The following GALNT16 variants were observed in gnomAD, a reference collection of about 807,000 sequenced individuals.
GALNT16 encodes polypeptide N-acetylgalactosaminyltransferase 16, also known as UDP-GalNAc:polypeptide N-acetylgalactosaminyltransferase-like protein 1.
Under a neutral mutation model 76.1 loss-of-function variants are expected in GALNT16, and 40 were observed. The observed-to-expected ratio is 0.53, with a 90% CI of 0.41 to 0.68. GALNT16 has a LOEUF of 0.68. Ranked by LOEUF, GALNT16 falls within the 30% of genes least tolerant of loss-of-function variation. The pLI is 0.00. For missense variants in GALNT16, 621 were observed against 731.9 expected (o/e 0.85, Z 1.75); for synonymous variants, 276 against 285.2 (o/e 0.97, Z 0.32).
rs1363819280 is a variant in GALNT16, at chr14:69,261,806, G to T, written c.177+1339G>T. On this transcript the variant is annotated intron_variant, in intron 1 of 14. Coordinates refer to ENST00000448469, the MANE Select transcript of GALNT16 (RefSeq NM_001168368.2). This position sits in a 1 kb window ranked among gnomAD's most constrained non-coding sequence, Gnocchi z 6.4. ...GCTTTGCCTGAGGAGACCTGGGGCG[G>T]GGGGGTGAGGTTGTGGGTTTTGTCC... 6.6e-6 allele frequency among the ~76,000 whole-genome samples: 1 copy of T among 152,174 alleles called. No homozygotes were observed. The highest frequency in any genetic ancestry group is 1.5e-5 in the Non-Finnish European group (1 of 68,012).
intron 1 of GALNT16, among the ~76,000 whole-genome samples, chr14:69,300,761 A>G (rs1401854066): frequency 6.6e-6 from 1 of 152,110 alleles, no homozygotes; most frequent in African/African-American, 2.4e-5. Flanking sequence ...TCAAAGCAAG[A>G]GGACATCCAA....
chr14:69,347,007 A>C (rs773426561), intron 12 of GALNT16, 33 bp from the exon 13 acceptor site: 1 of 1,613,648 alleles, frequency 6.2e-7, no homozygotes, highest in Non-Finnish European at 8.5e-7. Flanking sequence ...TTGGGGGGGA[A>C]AGCACAAGCC....
intron 1 of GALNT16, among the ~76,000 whole-genome samples, chr14:69,295,137 G>C (rs1250219422): frequency 6.6e-6 from 1 of 152,146 alleles, no homozygotes; most frequent in Non-Finnish European, 1.5e-5. Flanking sequence ...ACATTGGCCG[G>C]GTGCCATGGC....
In GALNT16 at chr14:69,333,667, G is replaced by A; in HGVS notation, c.967+67G>A. On this transcript the variant is annotated intron_variant, in intron 9 of 14. Coordinates refer to ENST00000448469, the MANE Select transcript of GALNT16 (RefSeq NM_001168368.2). The surrounding 1 kb of genome is among the most constrained non-coding windows in gnomAD (Gnocchi z 4.2). ...AATAACCACAGTTAACCCTGACAGAGCACTTTCTATGCGTGAGGACCTGCT... is the reference window on the plus strand; with the variant it reads ...AATAACCACAGTTAACCCTGACAGAACACTTTCTATGCGTGAGGACCTGCT... 1.2e-6 allele frequency: 1 copy of A among 864,200 alleles called. No individual in the cohort carries two copies. The highest frequency in any genetic ancestry group is 1.9e-6 in the Non-Finnish European group (1 of 514,428). The allele number at this position is 864,200 out of a possible 1,614,324, so 53.5% of individuals were successfully genotyped here.
chr14:69,342,230 T>C (rs1385223184), intron 12 of GALNT16, among the ~76,000 whole-genome samples: 1 of 151,836 alleles, frequency 6.6e-6, no homozygotes, highest in Non-Finnish European at 1.5e-5. Context: ...GGAGGATTGC[T>C]TGAGTCCAGG....
intron 1 of GALNT16, among the ~76,000 whole-genome samples, chr14:69,262,096 C>T: frequency 1.3e-5 from 2 of 152,374 alleles, no homozygotes; most frequent in South Asian, 4.1e-4. Context: ...CACATTCATA[C>T]TCAGTGGCAG....
At chr14:69,291,997 A>G (rs1413882966) in intron 1 of GALNT16, among the ~76,000 whole-genome samples, 1 of 152,226 alleles carries the variant, frequency 6.6e-6, no homozygotes, top group African/African-American at 2.4e-5. Context: ...TCCTGGGCAC[A>G]GGCCTGATGG....
chr14:69,372,043 C>T, the GALNT16 span, among the ~76,000 whole-genome samples: 1 of 152,194 alleles, frequency 6.6e-6, no homozygotes, highest in Admixed American at 6.5e-5. Flanking sequence ...GAGGTGGAAA[C>T]AGCATAACTG....
intron 1 of GALNT16, among the ~76,000 whole-genome samples, chr14:69,318,719 T>A (rs1272004869): frequency 6.6e-6 from 1 of 152,210 alleles, no homozygotes; most frequent in Non-Finnish European, 1.5e-5. Context: ...GATAACGAAG[T>A]GCATACTCTC....
chr14:69,313,585 C>A (rs2045058243), intron 1 of GALNT16, among the ~76,000 whole-genome samples: 1 of 99,054 alleles, frequency 1.0e-5, no homozygotes, highest in South Asian at 3.3e-4. Flanking sequence ...GGAACTCTTT[C>A]TCAGTGAAAC....
intron 1 of GALNT16, among the ~76,000 whole-genome samples, chr14:69,267,091 C>A (rs146304313): frequency 2.0e-5 from 3 of 152,356 alleles, no homozygotes; most frequent in Admixed American, 2.0e-4. Context: ...GTTACCTGTC[C>A]TGTCTCCCAG....
intron 12 of GALNT16, among the ~76,000 whole-genome samples, chr14:69,345,580 C>A (rs951693698): frequency 6.6e-6 from 1 of 152,074 alleles, no homozygotes; most frequent in Non-Finnish European, 1.5e-5. Flanking sequence ...CCCTCCTGCT[C>A]CCCTGTAACT....
the GALNT16 span, chr14:69,380,379 G>C: frequency 2.3e-6 from 1 of 442,432 alleles, no homozygotes; most frequent in Non-Finnish European, 4.0e-6. Context: ...GGGGGTTTCC[G>C]ATTGAACAAG....
At chr14:69,325,916 T>G (rs1206788177) in intron 4 of GALNT16, 46 bp from the exon 5 acceptor site, 2 of 1,488,106 alleles carry the variant, frequency 1.3e-6, no homozygotes, top group Non-Finnish European at 1.9e-6. Flanking sequence ...ACTAGTGGCC[T>G]GATGCCCATG....
At chr14:69,378,844 G>T in the GALNT16 span, among the ~76,000 whole-genome samples, 1 of 152,088 alleles carries the variant, frequency 6.6e-6, no homozygotes, top group Admixed American at 6.6e-5. Flanking sequence ...ATTTGTTAAA[G>T]AAATAAAACT....
chr14:69,266,485 G>A (rs1328174802), intron 1 of GALNT16, among the ~76,000 whole-genome samples: 3 of 152,164 alleles, frequency 2.0e-5, no homozygotes, highest in Non-Finnish European at 4.4e-5. Flanking sequence ...TCAAAACTTA[G>A]CATTGAGCCA....
intron 1 of GALNT16, among the ~76,000 whole-genome samples, chr14:69,277,086 G>C (rs2044480438): frequency 6.6e-6 from 1 of 152,220 alleles, no homozygotes; most frequent in African/African-American, 2.4e-5. Flanking sequence ...AGAGAGACGA[G>C]ATCCCAGGAC....
At chr14:69,259,750 G>C (rs2044233381), upstream of GALNT16, 1 of 153,494 alleles carries the variant, frequency 6.5e-6, no homozygotes, top group Non-Finnish European at 1.4e-5. Context: ...GGCCCAGGTC[G>C]GGGGTCGCGC....
At chr14:69,362,760 C>T in the GALNT16 span, among the ~76,000 whole-genome samples, 4 of 152,296 alleles carry the variant, frequency 2.6e-5, no homozygotes, top group South Asian at 8.3e-4. Context: ...CTGGGCAGGC[C>T]AGAGCTGCTA....
Sources: gnomAD v4.1 joint callset for allele counts (sites outside exome capture counted in the v4.1 genomes callset) on GRCh38, gnomAD v4.1.1 for gene constraint, Gnocchi (gnomAD v3.1) non-coding constraint, MANE v1.5 for transcripts, NCBI Gene and HGNC (gene_info 2026-07-23, HGNC 2026-07-21) for gene names.